Variants in NLRP1 observed in about 807,000 individuals in gnomAD.
NLRP1 encodes NLR family pyrin domain containing 1.
Under a neutral mutation model 136.7 loss-of-function variants are expected in NLRP1, and 94 were observed. The observed-to-expected ratio is 0.69, with a 90% CI of 0.58 to 0.82. The LOEUF is 0.82. NLRP1 is among the 40% of genes least tolerant of loss of function. The pLI is 0.00. For missense variants in NLRP1, 1,575 were observed against 1,802.7 expected (o/e 0.87, Z 2.29); for synonymous variants, 690 against 725.1 (o/e 0.95, Z 0.78).
intron 3 of NLRP1, among the ~76,000 whole-genome samples, chr17:5,574,943 T>C (rs147415012): frequency 0.018 from 2,700 of 152,160 alleles, 75 homozygotes; most frequent in African/African-American, 0.062. Flanking sequence ...GGATTACAGG[T>C]GTGAGCCACC....
intron 15 of NLRP1, among the ~76,000 whole-genome samples, chr17:5,508,234 G>T (rs541767312): frequency 5.9e-5 from 9 of 152,284 alleles, no homozygotes; most frequent in African/African-American, 2.2e-4. Flanking sequence ...GGAGGCCGAG[G>T]TTGCAGTGAG....
chr17:5,519,542 G>C (rs552762341), intron 14 of NLRP1, among the ~76,000 whole-genome samples: 102 of 151,504 alleles, frequency 6.7e-4, no homozygotes, highest in African/African-American at 2.4e-3. Context: ...TGCCTCCCGG[G>C]TTCAAGCAAT....
intron 3 of NLRP1, among the ~76,000 whole-genome samples, chr17:5,580,848 C>T (rs1905560665): frequency 6.6e-6 from 1 of 152,134 alleles, no homozygotes; most frequent in Admixed American, 6.5e-5. Flanking sequence ...GTATTAGAAT[C>T]TTCCTTTCTT....
chr17:5,576,312 T>C (rs568142780), intron 3 of NLRP1, among the ~76,000 whole-genome samples: 2 of 152,018 alleles, frequency 1.3e-5, no homozygotes, highest in African/African-American at 2.4e-5. Flanking sequence ...ACAAAAAACC[T>C]TTCAAAAAAT....
rs1319964976 is a variant in NLRP1 at position 5,584,037 on chromosome 17, C to A, written c.-80G>T. ...TCAGGCAGGCAGAGAACAGTGCTGTCCTTTGCCTTGGCTCTTACCGTCTCT... is the reference window on the plus strand; with the variant it reads ...TCAGGCAGGCAGAGAACAGTGCTGTACTTTGCCTTGGCTCTTACCGTCTCT... On this transcript the variant is annotated 5_prime_UTR_variant, in exon 1 of 17. Transcript: ENST00000572272. The A allele has an allele frequency of 7.2e-7, 1 of 1,384,782 alleles. No individual in the cohort carries two copies. Among genetic ancestry groups the A allele is most frequent in the Non-Finnish European group, 9.8e-7 (1 of 1,018,338 alleles). 85.8% of individuals were successfully genotyped at this position (1,384,782 alleles called of 1,614,324 possible). A position where few individuals can be genotyped will look rare whatever the true frequency, so the allele number is the denominator to read the frequency against.
In NLRP1 at chr17:5,558,991, T is replaced by C. The variant is rs1377343191; in HGVS notation, c.1705A>G (p.Arg569Gly). Residue 569 changes from arginine (R) to glycine (G), a missense_variant, in exon 4 of 17, where the codon AGA becomes GGA. By Grantham distance (125) the Arg-to-Gly change is moderately radical. Transcript: ENST00000572272. ...TCAGCAGCCAGAGAGCAGAGGTCTC[T>C]GAGCTGGGGTCCCAATGGCTGAGCT... ...LQAQPLGPQLRDLCSLAAEGI... is the reference protein window; with the variant it reads ...LQAQPLGPQLGDLCSLAAEGI... The C allele has an allele frequency of 6.2e-7, 1 of 1,614,052 alleles. No individual in the cohort carries two copies. The highest frequency in any genetic ancestry group is 1.3e-5 in the African/African-American group (1 of 74,926).
chr17:5,534,732 A>G (rs905209150), intron 8 of NLRP1, among the ~76,000 whole-genome samples: 1 of 152,056 alleles, frequency 6.6e-6, no homozygotes, highest in African/African-American at 2.4e-5. Context: ...CTGACCCATC[A>G]CTTGGCTGCT....
chr17:5,520,959 G>C lies in NLRP1; in HGVS notation c.3837C>G (p.Pro1279=), dbSNP rs535656439. Residue 1279 remains proline, a synonymous_variant, in exon 14 of 17, where the codon CCC becomes CCG. Coordinates refer to ENST00000572272, the MANE Select transcript of NLRP1 (RefSeq NM_033004.4). ...KFQFVRIHKP[P]PLTPLYMGCR... ...AGCCCATATAAAGTGGGGTCAGCGG[G>C]GGTGGCTTGTGGATTCGCACAAACT... 1.9e-5 allele frequency: 31 copies of C among 1,612,410 alleles called. No individual in the cohort carries two copies. The East Asian group carries it at 6.9e-4, about 36-fold the overall frequency.
Position 5,545,477 on chromosome 17 carries a change from G to GAC in NLRP1, c.2529-3452_2529-3451dup, listed in dbSNP as rs147231814. On this transcript the variant is annotated intron_variant, in intron 5 of 16. Coordinates refer to ENST00000572272, the MANE Select transcript of NLRP1 (RefSeq NM_033004.4). ...AGACACACATACAGACACACACACA[G>GAC]ACACACACACACAGACACACAGACA... Among the ~76,000 whole-genome samples, 15 of 115,318 alleles carry GAC rather than the reference G, an allele frequency of 1.3e-4. 1 individual carries two copies. Among genetic ancestry groups the GAC allele is most frequent in the South Asian group, 2.8e-4 (1 of 3,636 alleles). 75.7% of individuals were successfully genotyped at this position (115,318 alleles called of 152,430 possible). A position where few individuals can be genotyped will look rare whatever the true frequency, so the allele number is the denominator to read the frequency against.
At chr17:5,515,131 A>G in intron 16 of NLRP1, 58 bp from the exon 17 acceptor site, 3 of 1,474,294 alleles carry the variant, frequency 2.0e-6, no homozygotes, top group Non-Finnish European at 2.8e-6. Context: ...CCCCACCTTC[A>G]GTGCTTTCCT....
At chr17:5,546,861 C>T (rs78773387) in intron 5 of NLRP1, among the ~76,000 whole-genome samples, 3,346 of 152,324 alleles carry the variant, frequency 0.022, 128 homozygotes, top group African/African-American at 0.077. Context: ...AGGCTGTACA[C>T]TCTTCCATAT....
Position 5,514,308 on chromosome 17 carries a change from G to T in NLRP1, c.*446C>A. On this transcript the variant is annotated 3_prime_UTR_variant, in exon 17 of 17. Coordinates refer to ENST00000572272, the MANE Select transcript of NLRP1 (RefSeq NM_033004.4). Reference sequence around the variant, plus strand: ...AATAAACTTCCTTCCACTTTACTCTGTTGGCTTGCTCTTGTAGATCTTCCT... The same window carrying T: ...AATAAACTTCCTTCCACTTTACTCTTTTGGCTTGCTCTTGTAGATCTTCCT... The T allele has an allele frequency of 1.6e-6, 1 of 626,686 alleles. No homozygotes were observed. The highest frequency in any genetic ancestry group is 2.0e-6 in the Non-Finnish European group (1 of 494,270). The allele number at this position is 626,686 out of a possible 1,614,324, so 38.8% of individuals were successfully genotyped here. A position where few individuals can be genotyped will look rare whatever the true frequency, so the allele number is the denominator to read the frequency against.
rs143767729 is a variant in NLRP1, at chr17:5,567,945, T to C, written c.653-7902A>G. ...TGCGGCCAGATGTATTGGAACTCCA[T>C]AGTATGTTACTTGTTTCTTTTCTCT... On this transcript the variant is annotated intron_variant, in intron 3 of 16. Transcript: ENST00000572272. 3.2e-3 allele frequency among the ~76,000 whole-genome samples: 490 copies of C among 152,330 alleles called. 3 individuals carry two copies. Among genetic ancestry groups the C allele is most frequent in the African/African-American group, 0.011 (460 of 41,594 alleles).
chr17:5,580,934 G>A (rs1905570998), intron 3 of NLRP1, among the ~76,000 whole-genome samples: 1 of 152,102 alleles, frequency 6.6e-6, no homozygotes, highest in Admixed American at 6.6e-5. Context: ...TAAAACATGA[G>A]TTTATTTATT....
At chr17:5,534,270 G>A (rs1910739092) in intron 8 of NLRP1, among the ~76,000 whole-genome samples, 1 of 152,200 alleles carries the variant, frequency 6.6e-6, no homozygotes, top group Non-Finnish European at 1.5e-5. Context: ...TTGGAAGGCT[G>A]AAGTGGGAGG....
intron 3 of NLRP1, among the ~76,000 whole-genome samples, chr17:5,566,294 T>C (rs1430070407): frequency 6.6e-6 from 1 of 152,078 alleles, no homozygotes; most frequent in East Asian, 1.9e-4. Flanking sequence ...TTTTTTGATA[T>C]AGGCACTTAT....
Position 5,582,704 on chromosome 17 carries a change from T to A in NLRP1, c.414A>T (p.Arg138Ser), listed in dbSNP as rs1905816499. Residue 138 changes from arginine (R) to serine (S), a missense_variant, in exon 2 of 17, where the codon AGA becomes AGT. Physicochemically the swap from Arg to Ser is moderately radical, Grantham distance 110 (BLOSUM62 -1). Transcript: ENST00000572272. The part of the protein sequence containing the change: ...CTQGSERRVL[R>S]QLPDTSGRRW... ...GGCGTCCAGATGTGTCAGGCAGCTGTCTCAAAACCCTTCTCTCTGAGCCCT... is the reference window on the plus strand; with the variant it reads ...GGCGTCCAGATGTGTCAGGCAGCTGACTCAAAACCCTTCTCTCTGAGCCCT... 6.2e-7 allele frequency: 1 copy of A among 1,613,860 alleles called. No homozygotes were observed. Among genetic ancestry groups the A allele is most frequent in the African/African-American group, 1.3e-5 (1 of 74,902 alleles).
intron 15 of NLRP1, chr17:5,502,096 C>G: frequency 2.0e-6 from 1 of 489,332 alleles, no homozygotes; most frequent in Non-Finnish European, 3.8e-6. Context: ...CCAGGGACTT[C>G]TTGCATGGCC....
At chr17:5,518,699 T>G (rs1314076047) in intron 14 of NLRP1, 1 of 151,652 alleles carries the variant, frequency 6.6e-6, no homozygotes, top group Non-Finnish European at 1.5e-5. Flanking sequence ...CATACTCATT[T>G]TTTCATTTTT....
Sources: gnomAD v4.1 joint callset for allele counts (sites outside exome capture counted in the v4.1 genomes callset) on GRCh38, gnomAD v4.1.1 for gene constraint, MANE v1.5 for transcripts, NCBI Gene and HGNC (gene_info 2026-07-23, HGNC 2026-07-21) for gene names.